Variants in TESC observed in about 807,000 individuals in gnomAD.
The protein encoded by TESC is calcineurin B homologous protein 3.
TESC carries 19 observed loss-of-function variants against 31.0 expected under a neutral mutation model. The ratio of observed to expected loss-of-function variants is 0.61; its 90% CI spans 0.43 to 0.90. The LOEUF (loss-of-function observed/expected upper bound fraction) is 0.90, where lower values mean the gene tolerates loss of function less well. Ranked by LOEUF, TESC falls within the 40% of genes least tolerant of loss-of-function variation. The pLI, the probability that TESC is intolerant of heterozygous loss-of-function variation, is 0.00. For synonymous variants in TESC, 109 were observed against 114.8 expected, an observed-to-expected ratio of 0.95 and a Z score of 0.32; for missense variants, 248 against 303.8, an observed-to-expected ratio of 0.82 and a Z score of 1.36.
At chr12:117,062,790 G>A (rs919131559) in intron 2 of TESC, among the ~76,000 whole-genome samples, 2 of 152,166 alleles carry the variant, frequency 1.3e-5, no homozygotes, top group East Asian at 1.9e-4. Flanking sequence ...CTAGGTCCCC[G>A]CCGGGCTGGA....
At chr12:117,083,993 C>T (rs570358751) in intron 1 of TESC, 1 of 151,578 alleles carries the variant, frequency 6.6e-6, no homozygotes, top group South Asian at 2.1e-4. Flanking sequence ...TCTGGGGAGG[C>T]TGACGCAGGA....
intron 7 of TESC, 89 bp from the exon 8 acceptor site, chr12:117,039,299 C>T (rs2270794): frequency 0.16 from 201,067 of 1,241,578 alleles, 19,231 homozygotes; most frequent in African/African-American, 0.43. Flanking sequence ...TTCCCACCTA[C>T]CGTCTCCTGC....
chr12:117,094,647 T>C (rs1593030099), intron 1 of TESC, among the ~76,000 whole-genome samples: 1 of 152,234 alleles, frequency 6.6e-6, no homozygotes, highest in South Asian at 2.1e-4. Flanking sequence ...AAAGGTCGGA[T>C]GGAGAGATGG....
At chr12:117,060,605 C>T (rs989432796) in intron 2 of TESC, among the ~76,000 whole-genome samples, 1 of 152,126 alleles carries the variant, frequency 6.6e-6, no homozygotes, top group South Asian at 2.1e-4. Context: ...GCAACTTGGC[C>T]GGAGCCACCT....
intron 1 of TESC, among the ~76,000 whole-genome samples, chr12:117,093,243 G>A (rs753324158): frequency 6.6e-6 from 1 of 152,202 alleles, no homozygotes; most frequent in Non-Finnish European, 1.5e-5. Flanking sequence ...TGGTGAATGA[G>A]CCGAGGCCAC....
At chr12:117,079,182 T>C (rs76072400) in intron 1 of TESC, among the ~76,000 whole-genome samples, 2,498 of 152,260 alleles carry the variant, frequency 0.016, 72 homozygotes, top group African/African-American at 0.058. Flanking sequence ...TTTTGTATGA[T>C]CACTTAACCC....
At position 117,049,121 on chromosome 12, in the gene TESC, TCTC is replaced by T. The variant is rs749955911; in HGVS notation, c.244_246del (p.Glu82del). The T allele has an allele frequency of 1.2e-6, 2 of 1,614,180 alleles. No homozygotes were observed. Among genetic ancestry groups the T allele is most frequent in the Admixed American group, 3.3e-5 (2 of 60,028 alleles). On this transcript the variant is annotated inframe_deletion, in exon 4 of 8. Transcript: ENST00000335209. The stretch of plus-strand genomic sequence containing the variant: ...ATGGTCAGGAAGTCCTCGAAATTGA[TCTC>T]ATCAGCCAGGCCACTGGGTCCCTTG...
chr12:117,072,516 T>C (rs939437853), intron 2 of TESC, among the ~76,000 whole-genome samples: 6 of 152,206 alleles, frequency 3.9e-5, no homozygotes, highest in African/African-American at 9.6e-5. Context: ...TCTAATACAG[T>C]TGGACTCCGA....
At position 117,089,364 on chromosome 12, in the gene TESC, C is replaced by G. The variant is rs1955272840; in HGVS notation, c.58+9861G>C. On this transcript the variant is annotated intron_variant, in intron 1 of 7. Coordinates refer to ENST00000335209, the MANE Select transcript of TESC (RefSeq NM_017899.4). Reference sequence around the variant, plus strand: ...CCTGTGGGGTGGTAGGGGGAAGGGCCAAGGGGAGTTGGGAAAAAGCCCAAA... The same window carrying G: ...CCTGTGGGGTGGTAGGGGGAAGGGCGAAGGGGAGTTGGGAAAAAGCCCAAA... Among the ~76,000 whole-genome samples the G allele has an allele frequency of 2.0e-5, 3 of 151,922 alleles. 1 individual carries two copies. Among genetic ancestry groups the G allele is most frequent in the African/African-American group, 7.3e-5 (3 of 41,342 alleles).
intron 2 of TESC, among the ~76,000 whole-genome samples, chr12:117,064,126 A>G (rs546164624): frequency 1.1e-3 from 169 of 152,240 alleles, no homozygotes; most frequent in African/African-American, 3.9e-3. Flanking sequence ...TATATTTCCC[A>G]AGCTAGTCCT....
In TESC at chr12:117,050,670, C is replaced by T. The variant is rs534519255; in HGVS notation, c.210-1512G>A. On this transcript the variant is annotated intron_variant, in intron 3 of 7. Transcript: ENST00000335209. ...CTCGGAGGCCAGGCGCAATGGCTTA[C>T]GCCTGTAACCCCTGCACTTTGGGAG... is the stretch of plus-strand genomic sequence containing the variant. Among the ~76,000 whole-genome samples, 10 of 152,340 alleles carry T rather than the reference C, an allele frequency of 6.6e-5. No individual in the cohort carries two copies. The East Asian group carries it at 7.7e-4, about 12-fold the overall frequency.
chr12:117,045,403 A>T (rs563709209), intron 6 of TESC, among the ~76,000 whole-genome samples: 26 of 152,242 alleles, frequency 1.7e-4, no homozygotes, highest in African/African-American at 6.3e-4. Context: ...TGGGACAGGG[A>T]GTAATTTGAA....
At chr12:117,071,798 C>A (rs191063405) in intron 2 of TESC, among the ~76,000 whole-genome samples, 75 of 152,260 alleles carry the variant, frequency 4.9e-4, no homozygotes, top group African/African-American at 1.7e-3. Context: ...CCGGCGCCAT[C>A]AGCACAGAGA....
chr12:117,047,429 GTATTT>G (rs1341277700), intron 4 of TESC, among the ~76,000 whole-genome samples: 2 of 150,780 alleles, frequency 1.3e-5, no homozygotes, highest in African/African-American at 4.9e-5. Flanking sequence ...TTTTTTTAAT[GTATTT>G]ATTTTTTCAA....
At chr12:117,076,799 C>T (rs1955080325) in intron 1 of TESC, among the ~76,000 whole-genome samples, 1 of 152,140 alleles carries the variant, frequency 6.6e-6, no homozygotes, top group Admixed American at 6.5e-5. Flanking sequence ...TAAGATCCCA[C>T]AACACACAGA....
intron 4 of TESC, chr12:117,048,699 T>C: frequency 1.9e-6 from 1 of 518,940 alleles, no homozygotes; most frequent in Non-Finnish European, 3.7e-6. Flanking sequence ...TGGGTCAAGG[T>C]TCAAGGTCAC....
At chr12:117,075,923 GTATATATATATA>G (rs1214809145) in intron 1 of TESC, among the ~76,000 whole-genome samples, 7 of 68,696 alleles carry the variant, frequency 1.0e-4, no homozygotes, top group East Asian at 3.3e-4. Flanking sequence ...ATGTGTGTGT[GTATATATATATA>G]TATATGTATA....
At chr12:117,092,188 C>T (rs961700657) in intron 1 of TESC, among the ~76,000 whole-genome samples, 3 of 152,144 alleles carry the variant, frequency 2.0e-5, no homozygotes, top group Admixed American at 6.5e-5. Context: ...CAGCTGGCTG[C>T]GTTTTTTAAG....
At chr12:117,082,864 GA>G (rs775951404) in intron 1 of TESC, among the ~76,000 whole-genome samples, 14 of 152,234 alleles carry the variant, frequency 9.2e-5, no homozygotes, top group Middle Eastern at 3.4e-3. Flanking sequence ...AATTTACGGA[GA>G]TTACTTGTAT....
Sources: allele counts gnomAD v4.1 joint callset (sites outside exome capture counted in the v4.1 genomes callset), GRCh38; gene constraint gnomAD v4.1.1; transcripts MANE v1.5; gene names NCBI Gene and HGNC (gene_info 2026-07-23, HGNC 2026-07-21).